The following UBR1 variants were observed in gnomAD, a reference collection of about 807,000 sequenced individuals.
UBR1 encodes the protein ubiquitin protein ligase E3 component n-recognin 1.
A neutral mutation model predicts 242.1 loss-of-function variants in UBR1; 102 were observed. The observed-to-expected ratio is 0.42, with a 90% CI of 0.36 to 0.50. UBR1 has a LOEUF of 0.50. Among genes scored for constraint, UBR1 ranks in the 20% least tolerant of loss-of-function variants. The probability of loss-of-function intolerance (pLI) is 0.01; values close to 1 mark genes in which losing one functional copy is unlikely to be tolerated. For synonymous variants in UBR1, 675 were observed against 684.8 expected, an observed-to-expected ratio of 0.99 and a Z score of 0.22; for missense variants, 1,772 against 2,101.8, an observed-to-expected ratio of 0.84 and a Z score of 3.07.
chr15:43,056,667 G>T (rs1301608966), intron 10 of UBR1, among the ~76,000 whole-genome samples: 1 of 152,166 alleles, frequency 6.6e-6, no homozygotes, highest in Non-Finnish European at 1.5e-5. Flanking sequence ...AGAGATAGAA[G>T]TGGAAACTAT....
chr15:43,097,298 T>G (rs2034173252), intron 1 of UBR1, among the ~76,000 whole-genome samples: 1 of 152,236 alleles, frequency 6.6e-6, no homozygotes, highest in African/African-American at 2.4e-5. Context: ...TTATAACAGA[T>G]GTACTGTCAT....
rs748205633 is a variant in UBR1, at chr15:43,037,773, C to T, written c.2022G>A (p.Gln674=). The T allele has an allele frequency of 1.2e-6, 2 of 1,613,484 alleles. No homozygotes were observed. The change falls in exon 17 of 47, where the codon CAG becomes CAA. Residue 674 remains glutamine, a splice_region_variant and synonymous_variant. Coordinates refer to ENST00000290650, the MANE Select transcript of UBR1 (RefSeq NM_174916.3). ...WRRNGLSLIS[Q]VFYYQDVKCR... is the part of the protein sequence containing the mutation. ...ATATGAATAATAGACTTTGCTGTAC[C>T]TGGCTAATAAGAGACAGTCCATTTC...
At chr15:43,055,842 G>A (rs2033611700) in intron 11 of UBR1, among the ~76,000 whole-genome samples, 1 of 152,156 alleles carries the variant, frequency 6.6e-6, no homozygotes, top group African/African-American at 2.4e-5. Context: ...TTGAACCCGG[G>A]AGGCGGAGGC....
rs181037003 is a variant in UBR1 at position 42,964,241 on chromosome 15, G to A, written c.4592-198C>T. 8.6e-3 allele frequency among the ~76,000 whole-genome samples: 1,301 copies of A among 152,026 alleles called. 15 individuals carry two copies. Among genetic ancestry groups the A allele is most frequent in the African/African-American group, 0.03 (1,233 of 41,468 alleles). ...TCCCAGCACTTTGGGAGGCCGAGGCGGGCGGATCACCTGAGGTCGGGAGTT... is the reference window on the plus strand; with the variant it reads ...TCCCAGCACTTTGGGAGGCCGAGGCAGGCGGATCACCTGAGGTCGGGAGTT... On this transcript the variant is annotated intron_variant, in intron 41 of 46. Coordinates refer to ENST00000290650, the MANE Select transcript of UBR1 (RefSeq NM_174916.3).
At chr15:43,068,088 G>C in intron 5 of UBR1, 52 bp from the exon 6 acceptor site, 492 of 579,066 alleles carry the variant, frequency 8.5e-4, no homozygotes, top group East Asian at 1.0e-3. Flanking sequence ...TAAAGGAAAA[G>C]TAAAAAAAAA....
intron 6 of UBR1, among the ~76,000 whole-genome samples, chr15:43,062,742 C>G (rs567781371): frequency 6.6e-6 from 1 of 152,082 alleles, no homozygotes; most frequent in South Asian, 2.1e-4. Context: ...TACAGGAATC[C>G]AACAAAAATA....
At chr15:42,953,874 T>G (rs2031873475) in intron 44 of UBR1, among the ~76,000 whole-genome samples, 1 of 151,514 alleles carries the variant, frequency 6.6e-6, no homozygotes, top group African/African-American at 2.4e-5. Flanking sequence ...GCCAACAACT[T>G]GATATTCTTT....
chr15:43,071,040 G>C, intron 4 of UBR1, 115 bp from the exon 5 acceptor site: 1 of 1,391,578 alleles, frequency 7.2e-7, no homozygotes, highest in Non-Finnish European at 9.9e-7. Context: ...ACATCGTCCA[G>C]GAATGAATTC....
chr15:42,975,620 C>A (rs1033191676), intron 39 of UBR1, among the ~76,000 whole-genome samples: 2 of 152,036 alleles, frequency 1.3e-5, no homozygotes, highest in African/African-American at 4.8e-5. Flanking sequence ...TATGTTTGTT[C>A]TCTACATTAT....
intron 17 of UBR1, among the ~76,000 whole-genome samples, chr15:43,036,887 C>G (rs10851412): frequency 0.014 from 2,049 of 151,350 alleles, 14 homozygotes; most frequent in Admixed American, 0.022. Context: ...TAAAAGTAAA[C>G]CAATTTCTAC....
intron 42 of UBR1, among the ~76,000 whole-genome samples, chr15:42,962,164 A>G (rs544279892): frequency 6.6e-6 from 1 of 152,100 alleles, no homozygotes; most frequent in South Asian, 2.1e-4. Flanking sequence ...TTTACAGAGT[A>G]TATCATCCAA....
intron 42 of UBR1, 22 bp from the exon 43 acceptor site, chr15:42,960,723 A>G (rs746580381): frequency 7.4e-6 from 12 of 1,612,552 alleles, no homozygotes; most frequent in East Asian, 2.2e-5. Flanking sequence ...GCCAAGAGAA[A>G]AGACAAATGG....
rs2033336292 is a variant in UBR1, at chr15:43,036,446, T to A, written c.2088+82A>T. Reference sequence around the variant, plus strand: ...CAGTGAGAGTATTTTAAGTTAAAAATTATTACATTATCTTCTCTCCTTAGA... The same window carrying A: ...CAGTGAGAGTATTTTAAGTTAAAAAATATTACATTATCTTCTCTCCTTAGA... On this transcript the variant is annotated intron_variant, in intron 18 of 46. Transcript: ENST00000290650. 2.3e-6 allele frequency: 3 copies of A among 1,281,226 alleles called. No homozygotes were observed. The South Asian group carries it at 3.6e-5, about 16-fold the overall frequency. 79.4% of individuals were successfully genotyped at this position (1,281,226 alleles called of 1,614,324 possible).
intron 1 of UBR1, among the ~76,000 whole-genome samples, chr15:43,087,771 T>G (rs1231420555): frequency 4.6e-5 from 7 of 152,180 alleles, no homozygotes. Context: ...TGACTATTTT[T>G]AATCGTCAAA....
chr15:43,007,108 T>C lies in UBR1; in HGVS notation c.3386A>G (p.His1129Arg), dbSNP rs749993781. 1 of 1,614,192 alleles carries C rather than the reference T, an allele frequency of 6.2e-7. No individual in the cohort carries two copies. Among genetic ancestry groups the C allele is most frequent in the South Asian group, 1.1e-5 (1 of 91,078 alleles). ...CVQKSTALTQ[H>R]RGKPIELSGE... is the part of the protein sequence containing the mutation. Reference sequence around the variant, plus strand: ...TGAGAGTTCTATGGGTTTTCCCCTGTGCTGGGTTAAGGCAGTAGATTTCTG... The same window carrying C: ...TGAGAGTTCTATGGGTTTTCCCCTGCGCTGGGTTAAGGCAGTAGATTTCTG... Residue 1129 changes from histidine to arginine, a missense_variant, in exon 30 of 47, where the codon CAC becomes CGC. Coordinates refer to ENST00000290650, the MANE Select transcript of UBR1 (RefSeq NM_174916.3).
Position 43,086,235 on chromosome 15 carries a change from C to T in UBR1, c.87G>A (p.Trp29Ter). ...CAGTATAAAAATCAACTTGCTGATC[C>T]CACCACTAAAAGAAAAGAAGATGAA... ...PQTPQRLASWWDQQVDFYTAF... is the reference protein window; with the variant it reads ...PQTPQRLASW The change falls in exon 2 of 47, where the codon TGG (tryptophan) becomes TGA (stop). Residue 29 changes from tryptophan (W) to a stop codon, truncating the protein, a stop_gained. Coordinates refer to ENST00000290650, the MANE Select transcript of UBR1 (RefSeq NM_174916.3). LOFTEE classifies it high-confidence loss of function. The T allele has an allele frequency of 6.2e-7, 1 of 1,613,684 alleles. No individual in the cohort carries two copies. Among genetic ancestry groups the T allele is most frequent in the Non-Finnish European group, 8.5e-7 (1 of 1,179,920 alleles).
intron 42 of UBR1, among the ~76,000 whole-genome samples, chr15:42,961,431 T>TC (rs998360041): frequency 6.7e-6 from 1 of 148,994 alleles, no homozygotes; most frequent in Non-Finnish European, 1.5e-5. Flanking sequence ...CTCTTTTTTT[T>TC]TTTTTTTTTT....
chr15:43,012,135 G>C (rs1187364461), intron 29 of UBR1, among the ~76,000 whole-genome samples: 1 of 151,926 alleles, frequency 6.6e-6, no homozygotes, highest in African/African-American at 2.4e-5. Context: ...GCTGAGGCAG[G>C]AGAATGGCGT....
intron 45 of UBR1, among the ~76,000 whole-genome samples, chr15:42,951,421 A>C (rs1356533035): frequency 6.6e-6 from 1 of 152,090 alleles, no homozygotes; most frequent in African/African-American, 2.4e-5. Flanking sequence ...ATGGGGTTTC[A>C]CCACGTTGGC....
Sources: gnomAD v4.1 joint callset for allele counts (sites outside exome capture counted in the v4.1 genomes callset) on GRCh38, gnomAD v4.1.1 for gene constraint, MANE v1.5 for transcripts, NCBI Gene and HGNC (gene_info 2026-07-23, HGNC 2026-07-21) for gene names.